Variants in UNC13C observed in about 807,000 individuals in gnomAD.
UNC13C encodes the protein protein unc-13 homolog C.
A neutral mutation model predicts 245.4 loss-of-function variants in UNC13C; 174 were observed. That is an observed-to-expected ratio of 0.71 (90% CI 0.63 to 0.80). The LOEUF is 0.80. UNC13C is among the 30% of genes least tolerant of loss of function. The pLI is 0.00. For synonymous variants in UNC13C, 992 were observed against 895.1 expected, an observed-to-expected ratio of 1.11 and a Z score of -1.93; for missense variants, 2,829 against 2,602.9, an observed-to-expected ratio of 1.09 and a Z score of -1.89.
chr15:53,934,203 G>A, the UNC13C span, among the ~76,000 whole-genome samples: 110,550 of 152,174 alleles, frequency 0.73, 42,763 homozygotes, highest in Non-Finnish European at 0.87. Flanking sequence ...CCATTGTTGA[G>A]AAATCTGCCC....
chr15:54,599,664 C>A (rs1247257718), intron 30 of UNC13C, among the ~76,000 whole-genome samples: 2 of 152,010 alleles, frequency 1.3e-5, no homozygotes, highest in African/African-American at 4.8e-5. Context: ...GTTGTCTAGA[C>A]TGTTTTTAGG....
At chr15:53,926,923 G>A in the UNC13C span, among the ~76,000 whole-genome samples, 1 of 152,154 alleles carries the variant, frequency 6.6e-6, no homozygotes, top group Admixed American at 6.5e-5. Flanking sequence ...GGACTGGACA[G>A]GTAAGCAGGT....
chr15:53,987,841 T>C (rs919943475), intron 1 of UNC13C, among the ~76,000 whole-genome samples: 4 of 152,092 alleles, frequency 2.6e-5, no homozygotes, highest in African/African-American at 9.7e-5. Flanking sequence ...TTGAGAGATA[T>C]ATTTCCTGTC....
intron 8 of UNC13C, among the ~76,000 whole-genome samples, chr15:54,250,958 C>T (rs1463595049): frequency 1.3e-5 from 2 of 151,650 alleles, no homozygotes; most frequent in African/African-American, 4.8e-5. Context: ...GGGTTTCATC[C>T]TGTTAGCCAG....
At chr15:53,867,193 C>G in the UNC13C span, among the ~76,000 whole-genome samples, 2 of 152,122 alleles carry the variant, frequency 1.3e-5, no homozygotes, top group African/African-American at 4.8e-5. Context: ...TGCTCACTCT[C>G]ATTACTGTTA....
At chr15:54,382,125 A>G (rs1217371636) in intron 17 of UNC13C, among the ~76,000 whole-genome samples, 1 of 152,222 alleles carries the variant, frequency 6.6e-6, no homozygotes, top group Non-Finnish European at 1.5e-5. Flanking sequence ...TGGAAAACAA[A>G]CAACACACTC....
the UNC13C span, among the ~76,000 whole-genome samples, chr15:53,920,755 C>G: frequency 2.0e-5 from 3 of 151,206 alleles, no homozygotes; most frequent in Non-Finnish European, 2.9e-5. Flanking sequence ...AAAACATTAA[C>G]TTAGTATTTT....
intron 1 of UNC13C, among the ~76,000 whole-genome samples, chr15:53,986,562 T>A (rs1309218348): frequency 6.6e-6 from 1 of 151,930 alleles, no homozygotes; most frequent in African/African-American, 2.4e-5. Context: ...ACAGAAGATA[T>A]GAAAAAATTC....
At chr15:54,459,388 T>C (rs562407434) in intron 19 of UNC13C, among the ~76,000 whole-genome samples, 1 of 152,230 alleles carries the variant, frequency 6.6e-6, no homozygotes, top group Non-Finnish European at 1.5e-5. Context: ...ATGACCTTTT[T>C]GTGATGAATT....
chr15:54,383,744 C>A (rs1345534747), intron 17 of UNC13C, among the ~76,000 whole-genome samples: 1 of 152,040 alleles, frequency 6.6e-6, no homozygotes, highest in East Asian at 1.9e-4. Flanking sequence ...TTGTAAATGA[C>A]ATGATCTTAG....
At chr15:54,432,380 A>G (rs965901623) in intron 19 of UNC13C, among the ~76,000 whole-genome samples, 25 of 151,864 alleles carry the variant, frequency 1.6e-4, no homozygotes, top group African/African-American at 6.0e-4. Flanking sequence ...GATTTCACAA[A>G]CAAGCAGGAT....
chr15:54,488,961 C>T (rs1007217439), intron 19 of UNC13C, among the ~76,000 whole-genome samples: 1 of 152,060 alleles, frequency 6.6e-6, no homozygotes, highest in Non-Finnish European at 1.5e-5. Context: ...ATTTTGTCAA[C>T]GCAGTCTACC....
At chr15:54,123,193 A>G (rs772343174) in intron 2 of UNC13C, among the ~76,000 whole-genome samples, 4 of 151,896 alleles carry the variant, frequency 2.6e-5, no homozygotes, top group Non-Finnish European at 5.9e-5. Context: ...CCCAAGACTA[A>G]TGATATTGAG....
rs79854059 is a variant in UNC13C at position 54,233,888 on chromosome 15, G to C, written c.3072-1142G>C. 9.4e-3 allele frequency among the ~76,000 whole-genome samples: 1,428 copies of C among 152,200 alleles called. 17 individuals are homozygous for C. The highest frequency in any genetic ancestry group is 0.033 in the African/African-American group (1,369 of 41,514). ...TGACCATGGGCAAGAGGTCAGCAAGGGGTTTTGTAGTTCAAGTAAGCATAA... is the reference window on the plus strand; with the variant it reads ...TGACCATGGGCAAGAGGTCAGCAAGCGGTTTTGTAGTTCAAGTAAGCATAA... On this transcript the variant is annotated intron_variant, in intron 4 of 32. Coordinates refer to ENST00000260323, the MANE Select transcript of UNC13C (RefSeq NM_001080534.3).
intron 2 of UNC13C, among the ~76,000 whole-genome samples, chr15:54,074,269 T>A (rs1478489850): frequency 1.4e-4 from 22 of 152,096 alleles, no homozygotes; most frequent in Admixed American, 1.4e-3. Context: ...CATGCTGTTT[T>A]GGTTACTGTA....
intron 8 of UNC13C, among the ~76,000 whole-genome samples, chr15:54,253,165 T>C (rs926915445): frequency 2.6e-5 from 4 of 152,014 alleles, no homozygotes; most frequent in African/African-American, 9.7e-5. Flanking sequence ...AAAGAGAGAG[T>C]ATGTCAAGTT....
intron 24 of UNC13C, among the ~76,000 whole-genome samples, chr15:54,516,262 A>T (rs1894970382): frequency 6.6e-6 from 1 of 152,190 alleles, no homozygotes. Flanking sequence ...AGGCAACAGG[A>T]GATGAAAGAT....
chr15:54,282,697 C>T (rs78639103), intron 10 of UNC13C, among the ~76,000 whole-genome samples: 7,530 of 152,164 alleles, frequency 0.049, 603 homozygotes, highest in African/African-American at 0.17. Flanking sequence ...TTCTTCCTAC[C>T]TGCACTCAGT....
chr15:54,501,028 G>GA lies in UNC13C; in HGVS notation c.5301+55dup, dbSNP rs760286311. On this transcript the variant is annotated intron_variant, in intron 22 of 32. Transcript: ENST00000260323. Reference sequence around the variant, plus strand: ...TTTTTCTCTGGGTCTGTGGCAATCTGAAAAATGCTATTGTTTTGTGGTGTT... The same window carrying GA: ...TTTTTCTCTGGGTCTGTGGCAATCTGAAAAAATGCTATTGTTTTGTGGTGTT... The GA allele has an allele frequency of 5.1e-6, 8 of 1,584,114 alleles. No homozygotes were observed. The African/African-American group carries it at 9.5e-5, about 19-fold the overall frequency.
Sources: allele counts gnomAD v4.1 joint callset (sites outside exome capture counted in the v4.1 genomes callset), GRCh38; gene constraint gnomAD v4.1.1; transcripts MANE v1.5; gene names NCBI Gene and HGNC (gene_info 2026-07-23, HGNC 2026-07-21).